The following FBXO11 variants were observed in gnomAD, a reference collection of about 807,000 sequenced individuals.
The protein encoded by FBXO11 is F-box protein 11.
A neutral mutation model predicts 117.0 loss-of-function variants in FBXO11; 13 were observed. The observed-to-expected ratio is 0.11, with a 90% CI of 0.07 to 0.18. The LOEUF (loss-of-function observed/expected upper bound fraction) is 0.18. Among genes scored for constraint, FBXO11 ranks in the 10% least tolerant of loss-of-function variants. The pLI is 1.00. For missense variants in FBXO11, 767 were observed against 1,164.4 expected, an observed-to-expected ratio of 0.66 and a Z score of 4.97; for synonymous variants, 490 against 380.5, an observed-to-expected ratio of 1.29 and a Z score of -3.35.
At chr2:47,874,056 G>T (rs1378541414) in intron 1 of FBXO11, among the ~76,000 whole-genome samples, 1 of 151,750 alleles carries the variant, frequency 6.6e-6, no homozygotes, top group Non-Finnish European at 1.5e-5. Context: ...CTACTAAAAA[G>T]ACAAAAAATT....
At position 47,832,472 on chromosome 2, in the gene FBXO11, A is replaced by G; in HGVS notation, c.1275T>C (p.Asp425=). 1.2e-6 allele frequency: 2 copies of G among 1,613,546 alleles called. No individual in the cohort carries two copies. The highest frequency in any genetic ancestry group is 1.7e-6 in the Non-Finnish European group (2 of 1,179,750). Reference sequence around the variant, plus strand: ...CTAACGCATTATTGGAAATTTCATTATCCTCATATATTCCCTACAACAAGT... The same window carrying G: ...CTAACGCATTATTGGAAATTTCATTGTCCTCATATATTCCCTACAACAAGT... The part of the protein sequence containing the change: ...ITDHAQGIYE[D]NEISNNALAG... The change falls in exon 11 of 23, where the codon GAT becomes GAC. Residue 425 remains aspartate, a synonymous_variant. Coordinates refer to ENST00000403359, the MANE Select transcript of FBXO11 (RefSeq NM_001190274.2).
chr2:47,872,494 T>G (rs1183192446), intron 1 of FBXO11, among the ~76,000 whole-genome samples: 1 of 152,152 alleles, frequency 6.6e-6, no homozygotes, highest in Non-Finnish European at 1.5e-5. Flanking sequence ...TGCCTAATTT[T>G]TGTATTTTTA....
chr2:47,808,121 G>A lies in FBXO11; in HGVS notation c.2781C>T (p.Asn927=), dbSNP rs756515981. 1.9e-6 allele frequency: 3 copies of A among 1,606,306 alleles called. No individual in the cohort carries two copies. Among genetic ancestry groups the A allele is most frequent in the Non-Finnish European group, 2.5e-6 (3 of 1,178,002 alleles). ...ACTTTTTCTTTAGGGAAGGAATTCAGTTGTGCTGCAATGTATTAGATTCTA... is the reference window on the plus strand; with the variant it reads ...ACTTTTTCTTTAGGGAAGGAATTCAATTGTGCTGCAATGTATTAGATTCTA... The part of the protein sequence containing the change: ...PPIESNTLQH[N] The change falls in exon 23 of 23, where the codon AAC becomes AAT. Residue 927 remains asparagine, a synonymous_variant. Transcript: ENST00000403359.
chr2:47,897,796 T>A (rs1677790992), intron 1 of FBXO11, among the ~76,000 whole-genome samples: 1 of 151,940 alleles, frequency 6.6e-6, no homozygotes. Context: ...AGGAGTGTTG[T>A]TCACTAGGAA....
intron 1 of FBXO11, among the ~76,000 whole-genome samples, chr2:47,857,466 T>C (rs530909351): frequency 1.3e-5 from 2 of 152,226 alleles, no homozygotes; most frequent in African/African-American, 4.8e-5. Flanking sequence ...CTATACTATA[T>C]ATGCAACCAG....
chr2:47,820,196 A>AG (rs1372561744), intron 14 of FBXO11, among the ~76,000 whole-genome samples, 166 bp downstream of exon 14: 8 of 152,290 alleles, frequency 5.3e-5, no homozygotes, highest in African/African-American at 1.9e-4. Context: ...AATCATTAAG[A>AG]TACTGGCAGG....
At chr2:47,895,612 C>A (rs1677598253) in intron 1 of FBXO11, among the ~76,000 whole-genome samples, 1 of 152,198 alleles carries the variant, frequency 6.6e-6, no homozygotes, top group Admixed American at 6.5e-5. Flanking sequence ...TCAAGCTGTA[C>A]ACGGATGATT....
chr2:47,901,048 T>C (rs1350739356), intron 1 of FBXO11, among the ~76,000 whole-genome samples: 2 of 135,218 alleles, frequency 1.5e-5, no homozygotes, highest in Non-Finnish European at 3.2e-5. Context: ...TGTGTACATA[T>C]ATACACATAT....
intron 1 of FBXO11, among the ~76,000 whole-genome samples, chr2:47,880,920 C>A (rs1676381304): frequency 6.6e-6 from 1 of 151,800 alleles, no homozygotes; most frequent in South Asian, 2.1e-4. Flanking sequence ...AAATATTTTC[C>A]TTCTAAAGGT....
chr2:47,826,080 A>T (rs1671733810), intron 11 of FBXO11, among the ~76,000 whole-genome samples: 1 of 152,120 alleles, frequency 6.6e-6, no homozygotes, highest in Admixed American at 6.5e-5. Flanking sequence ...TTTTTTTGAG[A>T]CGGAGTCTCA....
intron 1 of FBXO11, among the ~76,000 whole-genome samples, chr2:47,890,686 C>A (rs1425159486): frequency 6.6e-6 from 1 of 152,074 alleles, no homozygotes; most frequent in East Asian, 1.9e-4. Flanking sequence ...GCGCCTATAA[C>A]CCCAACTACT....
intron 2 of FBXO11, 22 bp downstream of exon 2, chr2:47,839,620 A>G (rs1672861962): frequency 6.2e-7 from 1 of 1,605,226 alleles, no homozygotes; most frequent in Non-Finnish European, 8.5e-7. Context: ...ACAAAAAGAA[A>G]AGCAACTACA....
chr2:47,894,194 T>C (rs754003979), intron 1 of FBXO11, among the ~76,000 whole-genome samples: 3 of 152,104 alleles, frequency 2.0e-5, no homozygotes, highest in Non-Finnish European at 4.4e-5. Flanking sequence ...AGAGGCACTT[T>C]TTCACCTTCC....
At chr2:47,905,222 TG>T (rs1678678152) in intron 1 of FBXO11, 4 of 233,362 alleles carry the variant, frequency 1.7e-5, no homozygotes, top group South Asian at 1.8e-4. Context: ...AAGGGATGGG[TG>T]GGGGTGGAGG....
chr2:47,874,726 G>C (rs906996270), intron 1 of FBXO11, among the ~76,000 whole-genome samples: 5 of 151,980 alleles, frequency 3.3e-5, no homozygotes, highest in Non-Finnish European at 7.4e-5. Flanking sequence ...GTAGAGATGG[G>C]ATTTCACCAT....
intron 1 of FBXO11, 148 bp from the exon 2 acceptor site, chr2:47,839,917 G>A: frequency 1.6e-6 from 1 of 615,946 alleles, no homozygotes; most frequent in Non-Finnish European, 2.7e-6. Flanking sequence ...CTATATGAAA[G>A]AAATGTTAGA....
intron 1 of FBXO11, among the ~76,000 whole-genome samples, chr2:47,845,029 G>C (rs1673300223): frequency 6.6e-6 from 1 of 152,134 alleles, no homozygotes; most frequent in Non-Finnish European, 1.5e-5. Flanking sequence ...TCAGTAGTCA[G>C]TCCAATTCTA....
intron 7 of FBXO11, 124 bp downstream of exon 7, chr2:47,834,455 T>C (rs747259615): frequency 1.9e-4 from 130 of 667,178 alleles, no homozygotes; most frequent in Non-Finnish European, 2.8e-4. Flanking sequence ...ATGTGTGATA[T>C]CTTCATTCCT....
At position 47,835,722 on chromosome 2, in the gene FBXO11, TC is replaced by T. The variant is rs2104830742; in HGVS notation, c.717+149del. On this transcript the variant is annotated intron_variant, in intron 5 of 22. Transcript: ENST00000403359. Reference sequence around the variant, plus strand: ...CATGTTGGCCAAGCTGGTCTCGAACTCCTGACCTCAGGTAATCCTCCTACCT... The same window carrying T: ...CATGTTGGCCAAGCTGGTCTCGAACTCTGACCTCAGGTAATCCTCCTACCT... 4 of 451,344 alleles carry T rather than the reference TC, an allele frequency of 8.9e-6. No individual in the cohort carries two copies. In the East Asian group the frequency reaches 1.7e-4, roughly 20 times the overall value. 28.0% of individuals were successfully genotyped at this position (451,344 alleles called of 1,614,324 possible).
Sources: allele counts gnomAD v4.1 joint callset (sites outside exome capture counted in the v4.1 genomes callset), GRCh38; gene constraint gnomAD v4.1.1; transcripts MANE v1.5; gene names NCBI Gene and HGNC (gene_info 2026-07-23, HGNC 2026-07-21).